Variants in ZBTB21 observed in about 807,000 individuals in gnomAD.
ZBTB21 encodes the protein zinc finger and BTB domain containing 21.
ZBTB21 carries 10 observed loss-of-function variants against 39.8 expected under a neutral mutation model. The ratio of observed to expected loss-of-function variants is 0.25; its 90% CI spans 0.16 to 0.43. The LOEUF is 0.43. ZBTB21 is among the 20% of genes least tolerant of loss of function. The pLI is 1.00. For synonymous variants in ZBTB21, 551 were observed against 498.8 expected, an observed-to-expected ratio of 1.10 and a Z score of -1.40; for missense variants, 1,221 against 1,296.3, an observed-to-expected ratio of 0.94 and a Z score of 0.89.
At position 41,993,713 on chromosome 21, in the gene ZBTB21, G is replaced by A. The variant is rs779420714; in HGVS notation, c.383C>T (p.Thr128Met). ...AAACACTTTTTTTCTATTAGGACAC[G>A]TTGGAAAGGGGGCTTGAGGTGTTTT... The part of the protein sequence containing the change: ...VSKTPQAPFP[T>M]CPNRKKVFVE... The change falls in exon 3 of 3, where the codon ACG (threonine) becomes ATG (methionine). Residue 128 changes from threonine (T) to methionine (M), a missense_variant. By Grantham distance (81) the Thr-to-Met change is moderately conservative. Coordinates refer to ENST00000310826, the MANE Select transcript of ZBTB21 (RefSeq NM_001098402.2). The A allele has an allele frequency of 1.7e-5, 28 of 1,613,940 alleles. No individual in the cohort carries two copies. The highest frequency in any genetic ancestry group is 2.7e-5 in the African/African-American group (2 of 74,868).
At chr21:42,007,381 C>T (rs1003882116) in intron 1 of ZBTB21, among the ~76,000 whole-genome samples, 7 of 152,212 alleles carry the variant, frequency 4.6e-5, no homozygotes, top group Admixed American at 6.5e-5. Flanking sequence ...ATCCAAACTA[C>T]AGACTGGCAT....
intron 2 of ZBTB21, among the ~76,000 whole-genome samples, chr21:41,997,275 T>C (rs1323005310): frequency 6.6e-6 from 1 of 152,096 alleles, no homozygotes; most frequent in Non-Finnish European, 1.5e-5. Context: ...TATTTGCTAA[T>C]TACTAATGAA....
chr21:41,992,980 T>C lies in ZBTB21; in HGVS notation c.1116A>G (p.Ala372=). The C allele has an allele frequency of 6.2e-7, 1 of 1,614,204 alleles. No homozygotes were observed. The highest frequency in any genetic ancestry group is 8.5e-7 in the Non-Finnish European group (1 of 1,180,038). ...SQGSSSVSSD[A]PGNVLCALSQ... is the part of the protein sequence containing the mutation. ...ATAAAGCACACAACACATTCCCTGG[T>C]GCATCACTGGACACCGAAGATGATC... Residue 372 remains alanine (A), a synonymous_variant, in exon 3 of 3, where the codon GCA becomes GCG. Transcript: ENST00000310826. The surrounding 1 kb of genome is among the most constrained non-coding windows in gnomAD (Gnocchi z 4.1).
In ZBTB21 at chr21:41,994,541, T is replaced by C. The variant is rs367964826; in HGVS notation, c.-13-433A>G. On this transcript the variant is annotated intron_variant, in intron 2 of 2. Transcript: ENST00000310826. ...AAAGAAAATCAGCTTTATTACTACA[T>C]ATACTTAAACATAATGTGAACTGTT... Among the ~76,000 whole-genome samples, 166 of 152,330 alleles carry C rather than the reference T, an allele frequency of 1.1e-3. 2 individuals carry two copies. In the South Asian group the frequency reaches 0.03, roughly 27 times the overall value.
intron 1 of ZBTB21, among the ~76,000 whole-genome samples, chr21:42,003,301 A>G (rs1231495949): frequency 6.6e-6 from 1 of 152,162 alleles, no homozygotes; most frequent in Non-Finnish European, 1.5e-5. Flanking sequence ...TACCCACCAC[A>G]CATCACAAGA....
rs1022484017 is a variant in ZBTB21 at position 41,988,170 on chromosome 21, TAAA to T, written c.*2722_*2724del. 4 of 151,088 alleles carry T rather than the reference TAAA, an allele frequency of 2.6e-5. No homozygotes were observed. The highest frequency in any genetic ancestry group is 9.7e-5 in the African/African-American group (4 of 41,058). 9.4% of individuals were successfully genotyped at this position (151,088 alleles called of 1,614,324 possible). On this transcript the variant is annotated 3_prime_UTR_variant, in exon 3 of 3. Coordinates refer to ENST00000310826, the MANE Select transcript of ZBTB21 (RefSeq NM_001098402.2). Reference sequence around the variant, plus strand: ...TACCTCCATTGCTTACTTTGAGTGATAAAAACATGTTTTATGTTACTCCTTCCT... The same window carrying T: ...TACCTCCATTGCTTACTTTGAGTGATAACATGTTTTATGTTACTCCTTCCT...
intron 1 of ZBTB21, among the ~76,000 whole-genome samples, chr21:42,008,555 A>AG (rs1311207988): frequency 1.5e-5 from 2 of 134,482 alleles, no homozygotes; most frequent in Admixed American, 7.7e-5. Flanking sequence ...AAAAAAAAAA[A>AG]AAAAAAAGAA....
rs2065619010 is a variant in ZBTB21 at position 41,989,282 on chromosome 21, T to A, written c.*1613A>T. The stretch of plus-strand genomic sequence containing the variant: ...TATTTTATAAAAATGTCTGGTTCAA[T>A]AAAAAAAATGAGAATATCTTTCCTA... On this transcript the variant is annotated 3_prime_UTR_variant, in exon 3 of 3. Coordinates refer to ENST00000310826, the MANE Select transcript of ZBTB21 (RefSeq NM_001098402.2). The A allele has an allele frequency of 6.6e-6, 1 of 151,794 alleles. No homozygotes were observed. Among genetic ancestry groups the A allele is most frequent in the Non-Finnish European group, 1.5e-5 (1 of 67,882 alleles). The allele number at this position is 151,794 out of a possible 1,614,324, so 9.4% of individuals were successfully genotyped here.
chr21:41,993,285 C>A lies in ZBTB21; in HGVS notation c.811G>T (p.Ala271Ser). Residue 271 changes from alanine to serine, a missense_variant, in exon 3 of 3, where the codon GCT (alanine) becomes TCT (serine). Physicochemically the swap from Ala to Ser is moderately conservative, Grantham distance 99 (BLOSUM62 1). This residue lies in a region of ZBTB21 where 500 missense variants were observed against 465.6 expected (regional missense o/e 1.07). Coordinates refer to ENST00000310826, the MANE Select transcript of ZBTB21 (RefSeq NM_001098402.2). ...QLPKGKALEL[A>S]LKRPRPPVLS... is the part of the protein sequence containing the mutation. ...ACAGGTGGCCGTGGTCTCTTCAAAG[C>A]CAGCTCTAGAGCTTTTCCTTTTGGA... The A allele has an allele frequency of 6.2e-7, 1 of 1,612,882 alleles. No individual in the cohort carries two copies. The highest frequency in any genetic ancestry group is 1.1e-5 in the South Asian group (1 of 91,082).
rs1268685369 is a variant in ZBTB21, at chr21:41,991,739, G to A, written c.2357C>T (p.Ser786Phe). 1 of 1,614,216 alleles carries A rather than the reference G, an allele frequency of 6.2e-7. No individual in the cohort carries two copies. Among genetic ancestry groups the A allele is most frequent in the Non-Finnish European group, 8.5e-7 (1 of 1,180,044 alleles). Residue 786 changes from serine (S) to phenylalanine (F), a missense_variant, in exon 3 of 3, where the codon TCC becomes TTC. By Grantham distance (155) the Ser-to-Phe change is radical. Transcript: ENST00000310826. This position sits in a 1 kb window ranked among gnomAD's most constrained non-coding sequence, Gnocchi z 4.9. ...CTGGTGCCGCCAGATGCTGAAAGAG[G>A]ACTTGAAGGTGCGCATGCACTCGAG... ...TCLECMRTFKSSFSIWRHQVE... is the reference protein window; with the variant it reads ...TCLECMRTFKFSFSIWRHQVE...
Position 42,006,117 on chromosome 21 carries a change from C to T in ZBTB21, c.-78-3156G>A, listed in dbSNP as rs191476820. On this transcript the variant is annotated intron_variant, in intron 1 of 2. Transcript: ENST00000310826. ...CTCTATAAAATCTGGTTTCAAATGA[C>T]TTTTAAAATTTTCTTAGCCAGGTGT... Among the ~76,000 whole-genome samples the T allele has an allele frequency of 1.7e-3, 259 of 152,292 alleles. 2 individuals carry two copies. The highest frequency in any genetic ancestry group is 5.6e-3 in the African/African-American group (232 of 41,570).
chr21:41,991,067 T>C lies in ZBTB21; in HGVS notation c.3029A>G (p.Asn1010Ser), dbSNP rs778826027. The C allele has an allele frequency of 2.8e-5, 44 of 1,593,172 alleles. No homozygotes were observed. Among genetic ancestry groups the C allele is most frequent in the Non-Finnish European group, 3.6e-5 (42 of 1,170,248 alleles). ...EPDSPTGLSENPTPATEKLFV... is the reference protein window; with the variant it reads ...EPDSPTGLSESPTPATEKLFV... ...CAGTTTTTCTGTGGCTGGAGTTGGG[T>C]TTTCGGACAGGCCTGTGGGGCTGTC... The change falls in exon 3 of 3, where the codon AAC (asparagine) becomes AGC (serine). Residue 1010 changes from asparagine to serine, a missense_variant. By Grantham distance (46) the Asn-to-Ser change is conservative. This residue lies in a region of ZBTB21 where 523 missense variants were observed against 542.5 expected (regional missense o/e 0.96). Coordinates refer to ENST00000310826, the MANE Select transcript of ZBTB21 (RefSeq NM_001098402.2). The surrounding 1 kb of genome is among the most constrained non-coding windows in gnomAD (Gnocchi z 4.9).
intron 1 of ZBTB21, among the ~76,000 whole-genome samples, chr21:42,008,566 AAAAAGAAAAG>A (rs201616852): frequency 7.2e-6 from 1 of 138,852 alleles, no homozygotes; most frequent in South Asian, 2.2e-4. Context: ...AAAAAAAGAA[AAAAAGAAAAG>A]AAAAGAAAAA....
In ZBTB21 at chr21:41,993,223, T is replaced by C. The variant is rs780326521; in HGVS notation, c.873A>G (p.Leu291=). ...CATTTCCTTTGTTAGTTTCTTTTAA[T>C]AGATAGGGAGTCTCTGATGAGCTAC... The part of the protein sequence containing the change: ...SVCSSSETPY[L]LKETNKGNGQ... Residue 291 remains leucine, a synonymous_variant, in exon 3 of 3, where the codon CTA becomes CTG. Coordinates refer to ENST00000310826, the MANE Select transcript of ZBTB21 (RefSeq NM_001098402.2). The C allele has an allele frequency of 6.8e-6, 11 of 1,612,038 alleles. No individual in the cohort carries two copies. In the South Asian group the frequency reaches 8.8e-5, roughly 13 times the overall value.
chr21:42,010,030 G>T (rs529162638), intron 1 of ZBTB21, among the ~76,000 whole-genome samples: 38 of 152,380 alleles, frequency 2.5e-4, no homozygotes, highest in Non-Finnish European at 4.4e-4. Flanking sequence ...TGCGCAGTGT[G>T]AAGGTACAAT....
In ZBTB21 at chr21:41,993,408, T is replaced by C. The variant is rs1258436482; in HGVS notation, c.688A>G (p.Asn230Asp). The change falls in exon 3 of 3, where the codon AAT becomes GAT. Residue 230 changes from asparagine to aspartate, a missense_variant. By Grantham distance (23) the Asn-to-Asp change is conservative (BLOSUM62 1). Around this residue, in one of 4 missense-constraint regions of ZBTB21, gnomAD observed 500 missense variants for 465.6 expected, o/e 1.07. Coordinates refer to ENST00000310826, the MANE Select transcript of ZBTB21 (RefSeq NM_001098402.2). ...LEHSGSLDDP[N>D]RISLVKRNAV... ...TTTCTTTTCACCAAACTGATTCTATTAGGATCATCCAAAGATCCAGAATGC... is the reference window on the plus strand; with the variant it reads ...TTTCTTTTCACCAAACTGATTCTATCAGGATCATCCAAAGATCCAGAATGC... 6.2e-7 allele frequency: 1 copy of C among 1,614,194 alleles called. No homozygotes were observed. Among genetic ancestry groups the C allele is most frequent in the East Asian group, 2.2e-5 (1 of 44,880 alleles).
chr21:41,986,908 T>C lies in ZBTB21; in HGVS notation c.*3987A>G, dbSNP rs1473479938. 6.6e-6 allele frequency: 1 copy of C among 152,652 alleles called. No individual in the cohort carries two copies. The highest frequency in any genetic ancestry group is 1.5e-5 in the Non-Finnish European group (1 of 68,036). 9.5% of individuals were successfully genotyped at this position (152,652 alleles called of 1,614,324 possible). On this transcript the variant is annotated 3_prime_UTR_variant, in exon 3 of 3. Coordinates refer to ENST00000310826, the MANE Select transcript of ZBTB21 (RefSeq NM_001098402.2). Reference sequence around the variant, plus strand: ...TTTAAGCAAACTGTAGACAATGGAATTGAATACAAATAAGCAATGGATTAA... The same window carrying C: ...TTTAAGCAAACTGTAGACAATGGAACTGAATACAAATAAGCAATGGATTAA...
chr21:41,987,720 T>C lies in ZBTB21; in HGVS notation c.*3175A>G, dbSNP rs1323903720. 3 of 151,862 alleles carry C rather than the reference T, an allele frequency of 2.0e-5. No homozygotes were observed. The highest frequency in any genetic ancestry group is 2.0e-4 in the Admixed American group (3 of 15,254). 9.4% of individuals were successfully genotyped at this position (151,862 alleles called of 1,614,324 possible). A position where few individuals can be genotyped will look rare whatever the true frequency, so the allele number is the denominator to read the frequency against. On this transcript the variant is annotated 3_prime_UTR_variant, in exon 3 of 3. Transcript: ENST00000310826. ...GATTACAGTTGTATACACACATGCATGCATGTGTGTACAAACCCAATTTGA... is the reference window on the plus strand; with the variant it reads ...GATTACAGTTGTATACACACATGCACGCATGTGTGTACAAACCCAATTTGA...
Position 41,991,255 on chromosome 21 carries a change from G to C in ZBTB21, c.2841C>G (p.Arg947=). The C allele has an allele frequency of 6.2e-7, 1 of 1,614,160 alleles. No individual in the cohort carries two copies. Among genetic ancestry groups the C allele is most frequent in the Non-Finnish European group, 8.5e-7 (1 of 1,180,020 alleles). Reference sequence around the variant, plus strand: ...AGTGACTCCAGAGTCGAAAATTAGTGCGAAAAGCTTTGTTGCACACGTGAC... The same window carrying C: ...AGTGACTCCAGAGTCGAAAATTAGTCCGAAAAGCTTTGTTGCACACGTGAC... The part of the protein sequence containing the change: ...FICHVCNKAF[R]TNFRLWSHFQ... Residue 947 remains arginine (R), a synonymous_variant, in exon 3 of 3, where the codon CGC becomes CGG. Transcript: ENST00000310826. The surrounding 1 kb of genome is among the most constrained non-coding windows in gnomAD (Gnocchi z 4.9).
Sources: allele counts gnomAD v4.1 joint callset (sites outside exome capture counted in the v4.1 genomes callset), GRCh38; gene constraint gnomAD v4.1.1; regional missense constraint gnomAD v4.1.1; non-coding constraint Gnocchi (gnomAD v3.1); transcripts MANE v1.5; gene names NCBI Gene and HGNC (gene_info 2026-07-23, HGNC 2026-07-21).